Variants in NPHP4 observed in about 807,000 individuals in gnomAD.
NPHP4 encodes the protein nephrocystin 4, also known as nephrocystin-4.
A neutral mutation model predicts 155.8 loss-of-function variants in NPHP4; 151 were observed. That is an observed-to-expected ratio of 0.97 (90% confidence interval 0.85 to 1.11). The LOEUF (loss-of-function observed/expected upper bound fraction) is 1.11, where lower values mean the gene tolerates loss of function less well. Among genes scored for constraint, NPHP4 ranks in the 50% least tolerant of loss-of-function variants. The probability of loss-of-function intolerance (pLI) is 0.00; values close to 1 mark genes in which losing one functional copy is unlikely to be tolerated. For missense variants in NPHP4, 1,956 were observed against 1,925.7 expected (o/e 1.02, Z -0.29); for synonymous variants, 845 against 816.8 (o/e 1.03, Z -0.59).
chr1:5,888,994 T>C (rs1383109004), intron 17 of NPHP4, among the ~76,000 whole-genome samples: 1 of 152,112 alleles, frequency 6.6e-6, no homozygotes, highest in African/African-American at 2.4e-5. Context: ...TGGGCCTCTG[T>C]TTTCTCCACC....
intron 3 of NPHP4, among the ~76,000 whole-genome samples, chr1:5,970,828 C>T (rs1652428480): frequency 2.0e-5 from 3 of 151,790 alleles, no homozygotes; most frequent in Non-Finnish European, 2.9e-5. Flanking sequence ...CCCAGGATAA[C>T]AGAGAGATGC....
intron 1 of NPHP4, among the ~76,000 whole-genome samples, chr1:5,986,965 G>A (rs1206882352): frequency 3.9e-5 from 6 of 152,056 alleles, no homozygotes; most frequent in Non-Finnish European, 7.4e-5. Context: ...CAGCCCTTGG[G>A]CCAAGAGGTG....
At chr1:5,970,143 A>C (rs1471726944) in intron 3 of NPHP4, among the ~76,000 whole-genome samples, 1 of 152,178 alleles carries the variant, frequency 6.6e-6, no homozygotes, top group Non-Finnish European at 1.5e-5. Flanking sequence ...CCACTTGGGA[A>C]TGAAAGCACC....
intron 2 of NPHP4, among the ~76,000 whole-genome samples, chr1:5,980,587 G>A (rs1251591786): frequency 6.6e-6 from 1 of 152,170 alleles, no homozygotes; most frequent in African/African-American, 2.4e-5. Context: ...GGCCAATTAG[G>A]AGGAGGCGAG....
chr1:5,915,946 T>C (rs1645448207), intron 11 of NPHP4, among the ~76,000 whole-genome samples: 1 of 152,180 alleles, frequency 6.6e-6, no homozygotes, highest in Non-Finnish European at 1.5e-5. Context: ...TCGGAGAGGA[T>C]GTTCCAGACC....
At chr1:5,949,870 G>A (rs962162998) in intron 7 of NPHP4, among the ~76,000 whole-genome samples, 4 of 152,092 alleles carry the variant, frequency 2.6e-5, no homozygotes, top group African/African-American at 4.8e-5. Flanking sequence ...ACCATGACCA[G>A]GAGGCAGCAC....
intron 9 of NPHP4, among the ~76,000 whole-genome samples, chr1:5,934,726 T>C (rs2101765816): frequency 6.6e-6 from 1 of 151,932 alleles, no homozygotes; most frequent in Non-Finnish European, 1.5e-5. Flanking sequence ...AGCGAGGAGG[T>C]GGCCCGGAAG....
chr1:5,887,221 G>A, intron 18 of NPHP4, 65 bp downstream of exon 18: 1 of 1,462,540 alleles, frequency 6.8e-7, no homozygotes, highest in South Asian at 1.3e-5. Context: ...GCCCGAGGGA[G>A]CCCACACTCT....
At chr1:5,875,530 C>T (rs1445596198) in intron 20 of NPHP4, among the ~76,000 whole-genome samples, 2 of 152,216 alleles carry the variant, frequency 1.3e-5, no homozygotes, top group African/African-American at 2.4e-5. Flanking sequence ...AGAGGACATG[C>T]CCCCGGCCTG....
Position 5,969,189 on chromosome 1 carries a change from T to C in NPHP4, c.350A>G (p.Lys117Arg). Residue 117 changes from lysine (K) to arginine (R), a missense_variant, in exon 4 of 30, where the codon AAG (lysine) becomes AGG (arginine). Transcript: ENST00000378156. ...TGTCTGGAGGCTCCCATCCCGTTTC[T>C]TGCCCTCAGCGACCACTTCCACCAC... ...VAVVEVVAEG[K>R]KRDGSLQTLS... 6.3e-7 allele frequency: 1 copy of C among 1,578,278 alleles called. No individual in the cohort carries two copies. The highest frequency in any genetic ancestry group is 1.7e-4 in the Middle Eastern group (1 of 6,012).
chr1:5,909,745 G>C (rs1054980386), intron 11 of NPHP4, among the ~76,000 whole-genome samples: 2 of 152,138 alleles, frequency 1.3e-5, no homozygotes, highest in South Asian at 2.1e-4. Context: ...AGGCGCACCT[G>C]GGGGAGGCAA....
At chr1:5,907,318 G>T in intron 12 of NPHP4, 96 bp from the exon 13 acceptor site, 2 of 734,102 alleles carry the variant, frequency 2.7e-6, no homozygotes, top group Non-Finnish European at 4.3e-6. Context: ...GAACGGGGTA[G>T]CCCTGGATCC....
At chr1:5,968,781 C>G (rs887950003) in intron 4 of NPHP4, among the ~76,000 whole-genome samples, 9 of 152,062 alleles carry the variant, frequency 5.9e-5, no homozygotes, top group Non-Finnish European at 4.4e-5. Context: ...ACTAAAAATA[C>G]AAAAATTAGC....
chr1:5,973,638 T>C (rs556883288), intron 3 of NPHP4, among the ~76,000 whole-genome samples: 96 of 152,282 alleles, frequency 6.3e-4, no homozygotes, highest in Middle Eastern at 3.4e-3. Flanking sequence ...AACAACAAAA[T>C]TGACAAACTT....
In NPHP4 at chr1:5,952,694, C is replaced by T; in HGVS notation, c.810+6G>A. ...CCTGCCCCCCATCACGCTTCTGACT[C>T]CACACCTCCTGGAAGTGGTCCTGGA... On this transcript the variant is annotated splice_donor_region_variant and intron_variant, in intron 7 of 29. Transcript: ENST00000378156. The T allele has an allele frequency of 6.5e-7, 1 of 1,538,012 alleles. No homozygotes were observed. Among genetic ancestry groups the T allele is most frequent in the Non-Finnish European group, 8.8e-7 (1 of 1,139,096 alleles).
intron 25 of NPHP4, 120 bp from the exon 26 acceptor site, chr1:5,866,578 G>T: frequency 1.5e-6 from 1 of 674,156 alleles, no homozygotes; most frequent in Non-Finnish European, 2.7e-6. Flanking sequence ...GAACGCATCT[G>T]TTCATGTTCT....
chr1:5,965,235 T>C (rs1651263698), intron 5 of NPHP4, among the ~76,000 whole-genome samples: 1 of 151,936 alleles, frequency 6.6e-6, no homozygotes, highest in African/African-American at 2.4e-5. Context: ...ACCCGGCACT[T>C]TTTTATACTT....
At chr1:5,991,849 G>A (rs1394546995) in intron 1 of NPHP4, among the ~76,000 whole-genome samples, 1 of 151,218 alleles carries the variant, frequency 6.6e-6, no homozygotes, top group Non-Finnish European at 1.5e-5. Context: ...GATGCGCGCG[G>A]ACTAGGGCGC....
At chr1:5,992,036 G>A (rs1349314151) in intron 1 of NPHP4, among the ~76,000 whole-genome samples, 2 of 152,096 alleles carry the variant, frequency 1.3e-5, no homozygotes, top group East Asian at 1.9e-4. Context: ...GACGAGGGGG[G>A]ACGCCTGCGA....
Sources: gnomAD v4.1 joint callset for allele counts (sites outside exome capture counted in the v4.1 genomes callset) on GRCh38, gnomAD v4.1.1 for gene constraint, MANE v1.5 for transcripts, NCBI Gene and HGNC (gene_info 2026-07-23, HGNC 2026-07-21) for gene names.